The following CNBD1 variants were observed in gnomAD, a reference collection of about 807,000 sequenced individuals.
CNBD1 encodes cyclic nucleotide binding domain containing 1, also known as cyclic nucleotide-binding domain-containing protein 1.
Under a neutral mutation model 54.4 loss-of-function variants are expected in CNBD1, and 71 were observed. The observed-to-expected ratio is 1.30, with a 90% CI of 1.08 to 1.59. The LOEUF (loss-of-function observed/expected upper bound fraction) is 1.59. CNBD1 is among the 40% of genes most tolerant of loss of function. The pLI is 0.00. For synonymous variants in CNBD1, 182 were observed against 170.7 expected, an observed-to-expected ratio of 1.07 and a Z score of -0.51; for missense variants, 659 against 518.0, an observed-to-expected ratio of 1.27 and a Z score of -2.64.
intron 6 of CNBD1, among the ~76,000 whole-genome samples, chr8:87,276,644 G>A (rs994075774): frequency 1.3e-5 from 2 of 151,784 alleles, no homozygotes; most frequent in African/African-American, 4.8e-5. Context: ...CCCTTGCTGA[G>A]AACAACTATA....
intron 3 of CNBD1, among the ~76,000 whole-genome samples, chr8:86,918,312 A>G (rs757917596): frequency 6.6e-6 from 1 of 152,138 alleles, no homozygotes; most frequent in Non-Finnish European, 1.5e-5. Flanking sequence ...ACAGAAAAAC[A>G]CCTGTGTAAG....
At chr8:87,303,041 C>A (rs1190226146) in intron 8 of CNBD1, among the ~76,000 whole-genome samples, 1 of 151,330 alleles carries the variant, frequency 6.6e-6, no homozygotes, top group Admixed American at 6.6e-5. Context: ...GAATCAATAT[C>A]GTGAAAATGG....
intron 4 of CNBD1, among the ~76,000 whole-genome samples, chr8:86,991,829 A>T (rs1808756334): frequency 6.6e-6 from 1 of 152,086 alleles, no homozygotes; most frequent in Admixed American, 6.6e-5. Context: ...GTTTTGAGAG[A>T]TCTTCTTGAT....
chr8:86,912,456 A>G (rs1263238198), intron 3 of CNBD1, among the ~76,000 whole-genome samples: 1 of 152,212 alleles, frequency 6.6e-6, no homozygotes, highest in Non-Finnish European at 1.5e-5. Flanking sequence ...TAAAATTAAA[A>G]TGGGGCTGAA....
chr8:87,264,546 T>C (rs1808209245), intron 6 of CNBD1, among the ~76,000 whole-genome samples: 1 of 152,020 alleles, frequency 6.6e-6, no homozygotes, highest in Non-Finnish European at 1.5e-5. Context: ...ATAGTATTTC[T>C]AGTTCTAGAT....
At chr8:87,152,637 T>C (rs1812631570) in intron 4 of CNBD1, among the ~76,000 whole-genome samples, 1 of 152,136 alleles carries the variant, frequency 6.6e-6, no homozygotes, top group South Asian at 2.1e-4. Context: ...CTCTTGATAC[T>C]GAGCTGTCCA....
intron 4 of CNBD1, among the ~76,000 whole-genome samples, chr8:87,033,787 C>CAA (rs201792173): frequency 3.3e-3 from 510 of 152,252 alleles, no homozygotes; most frequent in African/African-American, 0.012. Context: ...GTCTCTTGGT[C>CAA]AACAGAAGCT....
chr8:87,378,872 C>T (rs573261854), intron 10 of CNBD1, among the ~76,000 whole-genome samples: 1 of 149,182 alleles, frequency 6.7e-6, no homozygotes, highest in African/African-American at 2.5e-5. Context: ...TCCTTCATAT[C>T]CCTTGTAAGT....
At chr8:87,169,025 G>A (rs1813029500) in intron 4 of CNBD1, among the ~76,000 whole-genome samples, 2 of 152,010 alleles carry the variant, frequency 1.3e-5, no homozygotes, top group Non-Finnish European at 2.9e-5. Context: ...CATAGTGGTT[G>A]TACTACTTTA....
chr8:86,869,316 C>T (rs35790369), intron 1 of CNBD1, among the ~76,000 whole-genome samples: 18,536 of 151,270 alleles, frequency 0.12, 1,352 homozygotes, highest in African/African-American at 0.21. Context: ...AGAGGCTCCT[C>T]GTAGCGTCAT....
chr8:86,969,380 G>C (rs1243719905), intron 4 of CNBD1, among the ~76,000 whole-genome samples: 2 of 152,022 alleles, frequency 1.3e-5, no homozygotes, highest in Non-Finnish European at 2.9e-5. Context: ...ATTTTTTGCA[G>C]TGTCTTTATA....
At chr8:87,273,133 G>A (rs993182994) in intron 6 of CNBD1, among the ~76,000 whole-genome samples, 5 of 151,862 alleles carry the variant, frequency 3.3e-5, no homozygotes, top group African/African-American at 1.2e-4. Context: ...CTGTAGTAGT[G>A]ATTATATAAC....
intron 8 of CNBD1, among the ~76,000 whole-genome samples, chr8:87,326,162 C>A: frequency 2.3e-5 from 3 of 129,342 alleles, no homozygotes; most frequent in Non-Finnish European, 5.2e-5. Flanking sequence ...AGGGTTTCTG[C>A]CGAGAGATCC....
intron 8 of CNBD1, among the ~76,000 whole-genome samples, chr8:87,311,585 C>A (rs1169361657): frequency 2.0e-5 from 3 of 151,986 alleles, no homozygotes; most frequent in African/African-American, 7.2e-5. Flanking sequence ...CCCAACAATC[C>A]AATTATTGAG....
Position 86,993,709 on chromosome 8 carries a change from G to GGT in CNBD1, c.431+53960_431+53961dup, listed in dbSNP as rs572068732. On this transcript the variant is annotated intron_variant, in intron 4 of 10. Coordinates refer to ENST00000518476, the MANE Select transcript of CNBD1 (RefSeq NM_173538.3). ...GGATTCTAGCCTTTGGTATCACAGG[G>GGT]GTGTGTATTAAAAGAATATTTTTGG... 1.5e-3 allele frequency among the ~76,000 whole-genome samples: 221 copies of GGT among 152,280 alleles called. 1 individual carries two copies. Among genetic ancestry groups the GGT allele is most frequent in the African/African-American group, 5.2e-3 (215 of 41,548 alleles).
chr8:87,105,445 T>C (rs908600759), intron 4 of CNBD1, among the ~76,000 whole-genome samples: 1 of 152,224 alleles, frequency 6.6e-6, no homozygotes, highest in Non-Finnish European at 1.5e-5. Flanking sequence ...GCTATAAATA[T>C]GAAATTATCC....
At chr8:86,975,704 C>T (rs1808326187) in intron 4 of CNBD1, among the ~76,000 whole-genome samples, 1 of 152,004 alleles carries the variant, frequency 6.6e-6, no homozygotes, top group African/African-American at 2.4e-5. Context: ...GTGCAGTTAT[C>T]TCTTTGACGT....
At chr8:86,918,531 C>T (rs757125143) in intron 3 of CNBD1, among the ~76,000 whole-genome samples, 5 of 151,888 alleles carry the variant, frequency 3.3e-5, no homozygotes, top group African/African-American at 4.8e-5. Context: ...TCATGGGAGC[C>T]GTTTCCCCCA....
intron 4 of CNBD1, among the ~76,000 whole-genome samples, chr8:87,003,675 A>C (rs144577408): frequency 7.9e-5 from 12 of 152,310 alleles, no homozygotes; most frequent in African/African-American, 2.9e-4. Context: ...CAGGTACTAG[A>C]GGATATGAGA....
Sources: allele counts gnomAD v4.1 joint callset (sites outside exome capture counted in the v4.1 genomes callset), GRCh38; gene constraint gnomAD v4.1.1; transcripts MANE v1.5; gene names NCBI Gene and HGNC (gene_info 2026-07-23, HGNC 2026-07-21).